XKR4: variants seen among roughly 807,000 people sequenced by gnomAD.
The protein encoded by XKR4 is XK related 4, also known as XK-related protein 4.
In XKR4, 12 loss-of-function variants were observed where a neutral mutation model predicts 53.9. That is an observed-to-expected ratio of 0.22 (90% CI 0.14 to 0.36). XKR4 has a LOEUF of 0.36. Among genes scored for constraint, XKR4 ranks in the 10% least tolerant of loss-of-function variants. The probability of loss-of-function intolerance (pLI) is 1.00; values close to 1 mark genes in which losing one functional copy is unlikely to be tolerated. For missense variants in XKR4, 799 were observed against 859.5 expected, an observed-to-expected ratio of 0.93 and a Z score of 0.88; for synonymous variants, 354 against 362.4, an observed-to-expected ratio of 0.98 and a Z score of 0.26.
At chr8:55,441,489 G>A (rs750338362) in intron 2 of XKR4, among the ~76,000 whole-genome samples, 3 of 152,108 alleles carry the variant, frequency 2.0e-5, no homozygotes, top group Non-Finnish European at 4.4e-5. Flanking sequence ...TTTGAAAAAT[G>A]CATTTTTTAA....
chr8:55,410,562 G>A (rs1804761401), intron 2 of XKR4, among the ~76,000 whole-genome samples: 1 of 152,150 alleles, frequency 6.6e-6, no homozygotes, highest in Non-Finnish European at 1.5e-5. Context: ...AGGGCCCTTT[G>A]TGGACTCACA....
At chr8:55,191,334 T>C (rs1454974335) in intron 1 of XKR4, among the ~76,000 whole-genome samples, 2 of 152,216 alleles carry the variant, frequency 1.3e-5, no homozygotes, top group Admixed American at 6.5e-5. Flanking sequence ...GCCTTCTCTA[T>C]GGTAATAATA....
chr8:55,495,056 C>T (rs539826335), intron 2 of XKR4, among the ~76,000 whole-genome samples: 2 of 152,298 alleles, frequency 1.3e-5, no homozygotes, highest in South Asian at 2.1e-4. Context: ...ACCTGCTTGG[C>T]CTCCCTCCCA....
intron 2 of XKR4, among the ~76,000 whole-genome samples, chr8:55,508,698 T>TC (rs1393664132): frequency 6.6e-6 from 1 of 152,190 alleles, no homozygotes; most frequent in African/African-American, 2.4e-5. Context: ...CCCTGAGCAT[T>TC]CCCAGGGGCT....
rs368269471 is a variant in XKR4 at position 55,357,942 on chromosome 8, C to T, written c.1006+65C>T. 47 of 1,509,778 alleles carry T rather than the reference C, an allele frequency of 3.1e-5. No individual in the cohort carries two copies. The Middle Eastern group carries it at 5.9e-4, about 19-fold the overall frequency. 93.5% of individuals were successfully genotyped at this position (1,509,778 alleles called of 1,614,324 possible). ...TTGACTGGCTACTTTTGTCACAATC[C>T]GAGGAACTGTCCTAATGCCCTTTGT... On this transcript the variant is annotated intron_variant, in intron 2 of 2. Coordinates refer to ENST00000327381, the MANE Select transcript of XKR4 (RefSeq NM_052898.2).
chr8:55,253,974 C>T (rs1023396493), intron 1 of XKR4, among the ~76,000 whole-genome samples: 4 of 151,812 alleles, frequency 2.6e-5, no homozygotes, highest in Non-Finnish European at 5.9e-5. Flanking sequence ...ACCTGCCTGG[C>T]CCCCCAAAGT....
At chr8:55,242,117 T>C (rs1411375338) in intron 1 of XKR4, among the ~76,000 whole-genome samples, 1 of 152,232 alleles carries the variant, frequency 6.6e-6, no homozygotes. Flanking sequence ...ATATTCACTA[T>C]TAAATAAATA....
At chr8:55,457,931 T>C (rs984141084) in intron 2 of XKR4, among the ~76,000 whole-genome samples, 1 of 150,870 alleles carries the variant, frequency 6.6e-6, no homozygotes, top group Non-Finnish European at 1.5e-5. Context: ...AGCATTAACC[T>C]GAGGTAGAAC....
At chr8:55,423,619 C>T (rs114479762) in intron 2 of XKR4, among the ~76,000 whole-genome samples, 33 of 152,262 alleles carry the variant, frequency 2.2e-4, no homozygotes, top group East Asian at 1.5e-3. Context: ...CTTCTATGCA[C>T]GACAGTATGA....
At chr8:55,265,444 C>G (rs1265129526) in intron 1 of XKR4, among the ~76,000 whole-genome samples, 1 of 152,162 alleles carries the variant, frequency 6.6e-6, no homozygotes, top group Non-Finnish European at 1.5e-5. Context: ...CAAACTTGGT[C>G]CCTCAGCAGT....
chr8:55,304,756 T>C (rs113169194), intron 1 of XKR4, among the ~76,000 whole-genome samples: 6 of 152,282 alleles, frequency 3.9e-5, no homozygotes, highest in African/African-American at 1.4e-4. Context: ...TGTAATGGCC[T>C]TCTTTGTCTC....
chr8:55,395,511 C>G (rs1804504299), intron 2 of XKR4, among the ~76,000 whole-genome samples: 1 of 152,088 alleles, frequency 6.6e-6, no homozygotes, highest in African/African-American at 2.4e-5. Context: ...CAGATGGACC[C>G]AGCCCACAGG....
intron 1 of XKR4, among the ~76,000 whole-genome samples, chr8:55,185,247 T>C (rs1817360452): frequency 6.6e-6 from 1 of 152,250 alleles, no homozygotes; most frequent in South Asian, 2.1e-4. Flanking sequence ...TCTATCACTA[T>C]GTAAACGACA....
intron 2 of XKR4, among the ~76,000 whole-genome samples, chr8:55,499,013 A>C (rs576712442): frequency 6.6e-6 from 1 of 152,316 alleles, no homozygotes; most frequent in East Asian, 1.9e-4. Flanking sequence ...AATAAAGCCA[A>C]TTTATCTGCT....
chr8:55,405,277 G>A (rs564089416), intron 2 of XKR4, among the ~76,000 whole-genome samples: 1 of 152,272 alleles, frequency 6.6e-6, no homozygotes, highest in African/African-American at 2.4e-5. Context: ...AGCTGAGAGG[G>A]GCCAGAGAGA....
At chr8:55,239,977 C>G (rs1314340367) in intron 1 of XKR4, among the ~76,000 whole-genome samples, 6 of 152,178 alleles carry the variant, frequency 3.9e-5, no homozygotes, top group Admixed American at 3.9e-4. Flanking sequence ...AACTAAGTAC[C>G]CTGCTTCTGT....
At chr8:55,321,274 A>T (rs1362521533) in intron 1 of XKR4, among the ~76,000 whole-genome samples, 1 of 152,192 alleles carries the variant, frequency 6.6e-6, no homozygotes, top group Non-Finnish European at 1.5e-5. Flanking sequence ...TAAACTAAAC[A>T]AAACAAAATC....
intron 1 of XKR4, among the ~76,000 whole-genome samples, chr8:55,226,158 A>G (rs1817948750): frequency 6.6e-6 from 1 of 152,250 alleles, no homozygotes; most frequent in Non-Finnish European, 1.5e-5. Flanking sequence ...AGCTAAGTCA[A>G]TCATATCTTT....
At chr8:55,107,209 A>G (rs776289322) in intron 1 of XKR4, among the ~76,000 whole-genome samples, 144 of 152,292 alleles carry the variant, frequency 9.5e-4, no homozygotes, top group South Asian at 6.2e-4. Context: ...AATTATTAGT[A>G]TCTGTATATG....
Sources: allele counts gnomAD v4.1 joint callset (sites outside exome capture counted in the v4.1 genomes callset), GRCh38; gene constraint gnomAD v4.1.1; transcripts MANE v1.5; gene names NCBI Gene and HGNC (gene_info 2026-07-23, HGNC 2026-07-21).